The following SLC35F1 variants were observed in gnomAD, a reference collection of about 807,000 sequenced individuals.
SLC35F1 encodes the protein solute carrier family 35 member F1.
In SLC35F1, 14 loss-of-function variants were observed where a neutral mutation model predicts 48.7. The ratio of observed to expected loss-of-function variants is 0.29; its 90% confidence interval spans 0.19 to 0.45. The LOEUF (loss-of-function observed/expected upper bound fraction) is 0.45, where lower values mean the gene tolerates loss of function less well. SLC35F1 is among the 20% of genes least tolerant of loss of function. SLC35F1 has a pLI of 1.00. For synonymous variants in SLC35F1, 190 were observed against 202.2 expected (o/e 0.94, Z 0.51); for missense variants, 404 against 500.0 (o/e 0.81, Z 1.83).
chr6:118,063,026 C>T lies in SLC35F1; in HGVS notation c.174-91419C>T, dbSNP rs181735359. On this transcript the variant is annotated intron_variant, in intron 1 of 7. Coordinates refer to ENST00000360388, the MANE Select transcript of SLC35F1 (RefSeq NM_001029858.4). ...ATTTTGCATCTCACATTTATATTAT[C>T]GGGGAAAAGTAGCTAAGATTTGATG... Among the ~76,000 whole-genome samples, 398 of 151,978 alleles carry T rather than the reference C, an allele frequency of 2.6e-3. 2 individuals carry two copies. The highest frequency in any genetic ancestry group is 9.2e-3 in the African/African-American group (382 of 41,462).
chr6:118,123,552 T>G (rs1773582956), intron 1 of SLC35F1, among the ~76,000 whole-genome samples: 1 of 152,222 alleles, frequency 6.6e-6, no homozygotes, highest in Non-Finnish European at 1.5e-5. Flanking sequence ...CTTTGCCTTT[T>G]GCTGTTCTAC....
chr6:118,112,400 C>T (rs1258069411), intron 1 of SLC35F1, among the ~76,000 whole-genome samples: 2 of 152,106 alleles, frequency 1.3e-5, no homozygotes, highest in Non-Finnish European at 2.9e-5. Context: ...TTTTTAAATT[C>T]TCTATATACA....
chr6:118,190,932 A>G (rs951328887), intron 2 of SLC35F1, among the ~76,000 whole-genome samples: 2 of 152,150 alleles, frequency 1.3e-5, no homozygotes, highest in Non-Finnish European at 2.9e-5. Flanking sequence ...TGTTTCGCCA[A>G]TTCTATTATT....
At chr6:118,147,023 G>T (rs1044905859) in intron 1 of SLC35F1, among the ~76,000 whole-genome samples, 1 of 152,254 alleles carries the variant, frequency 6.6e-6, no homozygotes, top group South Asian at 2.1e-4. Flanking sequence ...AGGCTTGTAT[G>T]TTCTACTTTA....
chr6:117,940,970 T>C (rs1274951627), intron 1 of SLC35F1, among the ~76,000 whole-genome samples: 1 of 152,136 alleles, frequency 6.6e-6, no homozygotes, highest in East Asian at 1.9e-4. Flanking sequence ...TTTTTTAGAT[T>C]ATTTCACACA....
intron 1 of SLC35F1, among the ~76,000 whole-genome samples, chr6:117,985,130 A>G (rs1395498991): frequency 1.3e-5 from 2 of 152,196 alleles, no homozygotes; most frequent in South Asian, 2.1e-4. Context: ...TTTTGATACC[A>G]CATATGTGAG....
In SLC35F1 at chr6:117,929,453, A is replaced by ATGTGTGTGTG. The variant is rs143634465; in HGVS notation, c.173+21580_173+21589dup. Among the ~76,000 whole-genome samples, 895 of 146,074 alleles carry ATGTGTGTGTG rather than the reference A, an allele frequency of 6.1e-3. 5 individuals carry two copies. The highest frequency in any genetic ancestry group is 0.015 in the African/African-American group (599 of 39,688). ...CATTTGTATATATGTGTATGTATTTATGTGTGTGTGTGTGTGTGTGTGTGT... is the reference window on the plus strand; with the variant it reads ...CATTTGTATATATGTGTATGTATTTATGTGTGTGTGTGTGTGTGTGTGTGTGTGTGTGTGT... On this transcript the variant is annotated intron_variant, in intron 1 of 7. Transcript: ENST00000360388.
chr6:118,235,172 A>T (rs917123263), intron 2 of SLC35F1, among the ~76,000 whole-genome samples: 1 of 152,182 alleles, frequency 6.6e-6, no homozygotes, highest in Non-Finnish European at 1.5e-5. Context: ...TGTTGTGTTT[A>T]TGCAGCCTTT....
At chr6:117,942,478 C>T (rs1417070647) in intron 1 of SLC35F1, among the ~76,000 whole-genome samples, 1 of 152,128 alleles carries the variant, frequency 6.6e-6, no homozygotes, top group Non-Finnish European at 1.5e-5. Context: ...TAGAATTAAC[C>T]TCCATTCTAT....
At chr6:118,234,595 G>A (rs1014324656) in intron 2 of SLC35F1, among the ~76,000 whole-genome samples, 1 of 152,094 alleles carries the variant, frequency 6.6e-6, no homozygotes, top group Non-Finnish European at 1.5e-5. Flanking sequence ...GCTCTAACCT[G>A]GTTCTTGACC....
At chr6:118,006,276 G>A (rs530407597) in intron 1 of SLC35F1, among the ~76,000 whole-genome samples, 35 of 152,142 alleles carry the variant, frequency 2.3e-4, no homozygotes, top group Non-Finnish European at 4.0e-4. Context: ...AAAAAATGTC[G>A]AGAGTAATGA....
intron 1 of SLC35F1, among the ~76,000 whole-genome samples, chr6:118,120,841 C>T (rs964106533): frequency 5.9e-5 from 9 of 152,056 alleles, no homozygotes; most frequent in African/African-American, 2.2e-4. Flanking sequence ...ACCCTTTTGC[C>T]TTGGCTGCCA....
chr6:118,105,098 G>C (rs1193037142), intron 1 of SLC35F1, among the ~76,000 whole-genome samples: 1 of 152,180 alleles, frequency 6.6e-6, no homozygotes, highest in Non-Finnish European at 1.5e-5. Context: ...TGGTTCCTCA[G>C]AGTGAGGTGG....
At chr6:118,246,222 T>A (rs952686726) in intron 3 of SLC35F1, among the ~76,000 whole-genome samples, 1 of 152,188 alleles carries the variant, frequency 6.6e-6, no homozygotes, top group African/African-American at 2.4e-5. Flanking sequence ...TCCAAGATGC[T>A]TCCTTGCTAA....
intron 3 of SLC35F1, among the ~76,000 whole-genome samples, chr6:118,247,672 A>ATTTATCCTT (rs1562338699): frequency 2.7e-5 from 4 of 147,672 alleles, no homozygotes; most frequent in African/African-American, 1.1e-4. Context: ...GAAGAGTGAA[A>ATTTATCCTT]CACTTCTGTA....
intron 3 of SLC35F1, among the ~76,000 whole-genome samples, chr6:118,257,737 A>G (rs927015130): frequency 6.6e-6 from 1 of 152,234 alleles, no homozygotes; most frequent in Non-Finnish European, 1.5e-5. Flanking sequence ...ACATTTTATT[A>G]GAATGAAAAC....
chr6:117,914,817 A>G (rs1271265007), intron 1 of SLC35F1, among the ~76,000 whole-genome samples: 1 of 152,200 alleles, frequency 6.6e-6, no homozygotes, highest in African/African-American at 2.4e-5. Flanking sequence ...CTGAAACATA[A>G]TAAAATTACT....
intron 2 of SLC35F1, among the ~76,000 whole-genome samples, chr6:118,162,669 T>C (rs1355073910): frequency 1.3e-5 from 2 of 152,192 alleles, no homozygotes; most frequent in Admixed American, 1.3e-4. Flanking sequence ...CTTAGAGATA[T>C]TAGGACATGC....
chr6:118,010,287 A>G lies in SLC35F1; in HGVS notation c.173+102388A>G, dbSNP rs144620802. Among the ~76,000 whole-genome samples, 228 of 152,294 alleles carry G rather than the reference A, an allele frequency of 1.5e-3. 2 individuals are homozygous for G. The highest frequency in any genetic ancestry group is 6.8e-3 in the Middle Eastern group (2 of 294). On this transcript the variant is annotated intron_variant, in intron 1 of 7. Coordinates refer to ENST00000360388, the MANE Select transcript of SLC35F1 (RefSeq NM_001029858.4). Reference sequence around the variant, plus strand: ...ATGTTCCATTTAAGAGCCTCTAATTAGTTTGAATCATTACAGAACAGTAAA... The same window carrying G: ...ATGTTCCATTTAAGAGCCTCTAATTGGTTTGAATCATTACAGAACAGTAAA...
Sources: allele counts gnomAD v4.1 joint callset (sites outside exome capture counted in the v4.1 genomes callset), GRCh38; gene constraint gnomAD v4.1.1; transcripts MANE v1.5; gene names NCBI Gene and HGNC (gene_info 2026-07-23, HGNC 2026-07-21).